TPCN1: variants seen among roughly 807,000 people sequenced by gnomAD.
TPCN1 encodes two pore segment channel 1.
In TPCN1, 52 loss-of-function variants were observed where a neutral mutation model predicts 108.8. The observed-to-expected ratio is 0.48, with a 90% CI of 0.38 to 0.60. The LOEUF is 0.60. Among genes scored for constraint, TPCN1 ranks in the 20% least tolerant of loss-of-function variants. TPCN1 has a pLI of 0.00. For synonymous variants in TPCN1, 446 were observed against 433.7 expected (o/e 1.03, Z -0.35); for missense variants, 806 against 1,072.8 (o/e 0.75, Z 3.47).
At chr12:113,285,769 C>G (rs919293528) in intron 17 of TPCN1, 120 bp from the exon 18 acceptor site, 1 of 867,368 alleles carries the variant, frequency 1.2e-6, no homozygotes, top group Non-Finnish European at 1.9e-6. Flanking sequence ...GGCCTGGGCT[C>G]AGCCTGGAGG....
chr12:113,259,124 C>A (rs1337521078), intron 2 of TPCN1, among the ~76,000 whole-genome samples: 2 of 152,018 alleles, frequency 1.3e-5, no homozygotes, highest in Non-Finnish European at 2.9e-5. Flanking sequence ...TTACAGGCAC[C>A]TTCCACCACG....
intron 15 of TPCN1, 61 bp downstream of exon 15, chr12:113,280,256 AGCGGGAGAG>A: frequency 7.1e-7 from 1 of 1,415,318 alleles, no homozygotes. Context: ...CTGTTCTAGA[AGCGGGAGAG>A]GCAAGAGATT....
chr12:113,226,764 C>T lies in TPCN1; in HGVS notation c.-89C>T. On this transcript the variant is annotated 5_prime_UTR_variant, in exon 2 of 28. Coordinates refer to ENST00000335509, the MANE Select transcript of TPCN1 (RefSeq NM_017901.6). ...AATGGAGGAGTTTCTGAGCAGCACC[C>T]CTGGCCCAGTGGCTTTGAAAGGGAG... 6.3e-7 allele frequency: 1 copy of T among 1,592,426 alleles called. No homozygotes were observed. The highest frequency in any genetic ancestry group is 8.6e-7 in the Non-Finnish European group (1 of 1,168,978).
At chr12:113,265,540 TTTTC>T (rs1288389089) in intron 3 of TPCN1, among the ~76,000 whole-genome samples, 1 of 151,696 alleles carries the variant, frequency 6.6e-6, no homozygotes, top group South Asian at 2.1e-4. Context: ...CCTTTTTTCT[TTTTC>T]TTTCTTTTTT....
At position 113,226,969 on chromosome 12, in the gene TPCN1, G is replaced by C. The variant is rs1298547228; in HGVS notation, c.112+5G>C. On this transcript the variant is annotated splice_donor_5th_base_variant and intron_variant, in intron 2 of 27. Coordinates refer to ENST00000335509, the MANE Select transcript of TPCN1 (RefSeq NM_017901.6). ...AAGAAGAGCTACCTAGCAAAAGTAA[G>C]ATGGTGGGGTGGGCTGGGGGGACCC... 1 of 1,611,230 alleles carries C rather than the reference G, an allele frequency of 6.2e-7. No individual in the cohort carries two copies. Among genetic ancestry groups the C allele is most frequent in the Non-Finnish European group, 8.5e-7 (1 of 1,178,570 alleles).
Position 113,231,859 on chromosome 12 carries a change from G to A in TPCN1, c.112+4895G>A, listed in dbSNP as rs1048721851. 2.0e-5 allele frequency among the ~76,000 whole-genome samples: 3 copies of A among 152,176 alleles called. No homozygotes were observed. Among genetic ancestry groups the A allele is most frequent in the Non-Finnish European group, 2.9e-5 (2 of 68,030 alleles). On this transcript the variant is annotated intron_variant, in intron 2 of 27. Transcript: ENST00000335509. The surrounding 1 kb of genome is among the most constrained non-coding windows in gnomAD (Gnocchi z 4.3). ...AGGAATAACCTTGAAAACAGTCAGC[G>A]GGGCCACTGTTAGAGCAGTGTAGAG...
Position 113,284,707 on chromosome 12 carries a change from C to G in TPCN1, c.1400-11C>G, listed in dbSNP as rs376178709. ...GGCTTACCTGTGAGCTGCTACTTCT[C>G]TGTCTTACAGGTGGGAACTTCTTCT... On this transcript the variant is annotated splice_polypyrimidine_tract_variant and intron_variant, in intron 16 of 27. Transcript: ENST00000335509. The surrounding 1 kb of genome is among the most constrained non-coding windows in gnomAD (Gnocchi z 4.1). The G allele has an allele frequency of 3.7e-6, 6 of 1,614,132 alleles. No homozygotes were observed. Among genetic ancestry groups the G allele is most frequent in the Middle Eastern group, 1.6e-4 (1 of 6,084 alleles).
chr12:113,257,594 A>T (rs1409354163), intron 2 of TPCN1, among the ~76,000 whole-genome samples: 1 of 152,236 alleles, frequency 6.6e-6, no homozygotes, highest in Non-Finnish European at 1.5e-5. Flanking sequence ...AAAATGGTAC[A>T]ATCATTTTGG....
At chr12:113,264,433 C>T (rs1056912293) in intron 3 of TPCN1, among the ~76,000 whole-genome samples, 1 of 152,170 alleles carries the variant, frequency 6.6e-6, no homozygotes, top group African/African-American at 2.4e-5. Flanking sequence ...AATCCCAGCA[C>T]TTTGGGAGGC....
In TPCN1 at chr12:113,273,267, G is replaced by A. The variant is rs767287535; in HGVS notation, c.819G>A (p.Leu273=). 2.5e-6 allele frequency: 4 copies of A among 1,614,106 alleles called. No individual in the cohort carries two copies. The highest frequency in any genetic ancestry group is 3.4e-6 in the Non-Finnish European group (4 of 1,180,040). Residue 273 remains leucine, a synonymous_variant, in exon 9 of 28, where the codon CTG becomes CTA. Transcript: ENST00000335509. The surrounding 1 kb of genome is among the most constrained non-coding windows in gnomAD (Gnocchi z 4.0). The part of the protein sequence containing the change: ...FSTLENSIVS[L]FVLLTTANFP... ...CCCTGGAGAACAGCATCGTCAGTCT[G>A]TTTGTCCTTCTGACCACAGCCAAGT...
intron 24 of TPCN1, 83 bp downstream of exon 24, chr12:113,291,760 G>A (rs986585809): frequency 1.9e-6 from 3 of 1,576,872 alleles, no homozygotes; most frequent in Non-Finnish European, 2.6e-6. Flanking sequence ...GCAGCGTCAG[G>A]GAGTGGGGCT....
chr12:113,276,084 T>C (rs996351019), intron 10 of TPCN1, among the ~76,000 whole-genome samples: 1 of 152,216 alleles, frequency 6.6e-6, no homozygotes, highest in East Asian at 1.9e-4. Flanking sequence ...TCATGTATAG[T>C]CTGTGGCTGA....
intron 2 of TPCN1, among the ~76,000 whole-genome samples, chr12:113,246,861 C>G (rs1362398037): frequency 6.6e-6 from 1 of 152,226 alleles, no homozygotes; most frequent in East Asian, 1.9e-4. Context: ...AGCCCCGGCA[C>G]ACAGAGGAAG....
At chr12:113,244,731 C>T (rs1954286218) in intron 2 of TPCN1, 2 of 985,288 alleles carry the variant, frequency 2.0e-6, no homozygotes, top group African/African-American at 3.5e-5. Flanking sequence ...TTCCGGAGGG[C>T]TCCGAGTGCT....
At chr12:113,265,645 CAA>C (rs1955230429) in intron 3 of TPCN1, among the ~76,000 whole-genome samples, 1 of 151,586 alleles carries the variant, frequency 6.6e-6, no homozygotes. Flanking sequence ...CTCCCGGGCT[CAA>C]GTGATTCTCC....
chr12:113,285,004 T>C (rs765424051), intron 17 of TPCN1, among the ~76,000 whole-genome samples: 27 of 152,216 alleles, frequency 1.8e-4, no homozygotes, highest in Non-Finnish European at 3.5e-4. Flanking sequence ...TCTGCAGCCC[T>C]GCTGTTTGCC....
intron 15 of TPCN1, among the ~76,000 whole-genome samples, chr12:113,282,438 G>T (rs1381249989): frequency 1.3e-5 from 2 of 151,730 alleles, no homozygotes; most frequent in Non-Finnish European, 2.9e-5. Flanking sequence ...TATTTTGGGG[G>T]ATTGCTTTTG....
chr12:113,271,266 G>A (rs1453154919), intron 7 of TPCN1, among the ~76,000 whole-genome samples: 2 of 152,130 alleles, frequency 1.3e-5, no homozygotes, highest in Admixed American at 6.5e-5. Flanking sequence ...AACAGAGCAA[G>A]ACTCTGTCTC....
chr12:113,288,090 G>A lies in TPCN1; in HGVS notation c.1635-73G>A, dbSNP rs185946736. On this transcript the variant is annotated intron_variant, in intron 19 of 27. Coordinates refer to ENST00000335509, the MANE Select transcript of TPCN1 (RefSeq NM_017901.6). The surrounding 1 kb of genome is among the most constrained non-coding windows in gnomAD (Gnocchi z 4.8). ...CACCGCATGGCGTGTGGAAGGCGGG[G>A]CCGGCATGTTCTGAGGGCGGGGGCT... 323 of 1,443,954 alleles carry A rather than the reference G, an allele frequency of 2.2e-4. No individual in the cohort carries two copies. The highest frequency in any genetic ancestry group is 1.2e-4 in the Non-Finnish European group (122 of 1,046,036). The allele number at this position is 1,443,954 out of a possible 1,614,324, so 89.4% of individuals were successfully genotyped here.
Sources: allele counts gnomAD v4.1 joint callset (sites outside exome capture counted in the v4.1 genomes callset), GRCh38; gene constraint gnomAD v4.1.1; non-coding constraint Gnocchi (gnomAD v3.1); transcripts MANE v1.5; gene names NCBI Gene and HGNC (gene_info 2026-07-23, HGNC 2026-07-21).